MAGEA4: variants seen among roughly 807,000 people sequenced by gnomAD.
The protein encoded by MAGEA4 is melanoma-associated antigen 4.
A neutral mutation model predicts 13.7 loss-of-function variants in MAGEA4; 1 was observed. The ratio of observed to expected loss-of-function variants is 0.07; its 90% CI spans 0.03 to 0.35. The LOEUF is 0.35. Among genes scored for constraint, MAGEA4 ranks in the 10% least tolerant of loss-of-function variants. The pLI is 0.99. For synonymous variants in MAGEA4, 132 were observed against 101.1 expected, an observed-to-expected ratio of 1.31 and a Z score of -1.83; for missense variants, 312 against 245.1, an observed-to-expected ratio of 1.27 and a Z score of -1.82.
chrX:151,922,278 G>T (rs1463212749), intron 1 of MAGEA4, among the ~76,000 whole-genome samples: 1 of 111,558 alleles, frequency 9.0e-6, no homozygotes, highest in Non-Finnish European at 1.9e-5. Flanking sequence ...ATGGCCCTAT[G>T]TGCCAATTTC....
chrX:151,921,596 C>T (rs902225077), intron 1 of MAGEA4, among the ~76,000 whole-genome samples: 1 of 112,138 alleles, frequency 8.9e-6, no homozygotes, highest in Non-Finnish European at 1.9e-5. Flanking sequence ...GCGCTACACC[C>T]CCACCCCATC....
chrX:151,923,041 G>T (rs967140370), intron 1 of MAGEA4, among the ~76,000 whole-genome samples: 2 of 112,438 alleles, frequency 1.8e-5, no homozygotes, highest in African/African-American at 6.5e-5. Flanking sequence ...AAAAGAGTGG[G>T]ATCCAGGCCC....
At chrX:151,923,286 C>T (rs980864715) in intron 1 of MAGEA4, among the ~76,000 whole-genome samples, 167 bp from the exon 2 acceptor site, 3 of 112,360 alleles carry the variant, frequency 2.7e-5, no homozygotes, top group Non-Finnish European at 5.6e-5. Flanking sequence ...GATGCACAGG[C>T]TGTGCCAGCA....
At position 151,924,455 on chromosome X, in the gene MAGEA4, G is replaced by A. The variant is rs1274181760; in HGVS notation, c.791G>A (p.Gly264Asp). ...ENYLEYRQVP[G>D]SNPARYEFLW... ...TACCTGGAGTACCGGCAGGTACCCG[G>A]CAGTAATCCTGCGCGCTATGAGTTC... The change falls in exon 3 of 3, where the codon GGC becomes GAC. Residue 264 changes from glycine (G) to aspartate (D), a missense_variant. By Grantham distance (94) the Gly-to-Asp change is moderately conservative (BLOSUM62 -1). Coordinates refer to ENST00000276344, the MANE Select transcript of MAGEA4 (RefSeq NM_001011548.1). 4 of 1,210,258 alleles carry A rather than the reference G, an allele frequency of 3.3e-6. No individual in the cohort carries two copies. In the African/African-American group the frequency reaches 5.2e-5, roughly 16 times the overall value.
chrX:151,913,030 C>A, intron 1 of MAGEA4, 61 bp downstream of exon 1: 1 of 117,077 alleles, frequency 8.5e-6, no homozygotes, highest in South Asian at 3.1e-4. Context: ...CACAAAAAAT[C>A]CAACACCACC....
At chrX:151,912,509 A>T (rs775531189), upstream of MAGEA4, 1 of 364,857 alleles carries the variant, frequency 2.7e-6, no homozygotes, top group South Asian at 2.5e-5. Flanking sequence ...AGATCCACGG[A>T]GGGAAGCAGG....
Position 151,923,614 on chromosome X carries a change from A to G in MAGEA4, c.-51A>G, listed in dbSNP as rs144129975. The G allele has an allele frequency of 3.6e-3, 4,327 of 1,209,230 alleles. 86 individuals are homozygous for G. The African/African-American group carries it at 0.064, about 18-fold the overall frequency. On this transcript the variant is annotated 5_prime_UTR_variant, in exon 3 of 3. Transcript: ENST00000276344. ...TCTCTCCGTAGGCCTGTGGGTCCCC[A>G]TTGCCCAGCTTTTGCCTGCACTCTT...
rs775799958 is a variant in MAGEA4 at position 151,923,693 on chromosome X, G to A, written c.29G>A (p.Cys10Tyr). The change falls in exon 3 of 3, where the codon TGC becomes TAC. Residue 10 changes from cysteine to tyrosine, a missense_variant. By Grantham distance (194) the Cys-to-Tyr change is radical (BLOSUM62 -2). Transcript: ENST00000276344. ...TCTTCTGAGCAGAAGAGTCAGCACT[G>A]CAAGCCTGAGGAAGGCGTTGAGGCC... is the stretch of plus-strand genomic sequence containing the variant. The part of the protein sequence containing the change: MSSEQKSQH[C>Y]KPEEGVEAQE... The A allele has an allele frequency of 1.4e-5, 17 of 1,211,246 alleles. No homozygotes were observed. In the Admixed American group the frequency reaches 3.7e-4, roughly 26 times the overall value.
At chrX:151,921,856 C>G (rs771347076) in intron 1 of MAGEA4, among the ~76,000 whole-genome samples, 34 of 72,702 alleles carry the variant, frequency 4.7e-4, no homozygotes, top group African/African-American at 1.5e-3. Flanking sequence ...GGAGCCCACC[C>G]CACCCCGTCT....
intron 1 of MAGEA4, among the ~76,000 whole-genome samples, chrX:151,919,913 T>C (rs1265422479): frequency 9.1e-6 from 1 of 110,091 alleles, no homozygotes; most frequent in East Asian, 2.9e-4. Flanking sequence ...AGTGCAAGAC[T>C]GGTGAGGGCA....
chrX:151,923,488 C>T lies in MAGEA4; in HGVS notation c.-102C>T. The T allele has an allele frequency of 1.7e-6, 2 of 1,199,508 alleles. No individual in the cohort carries two copies. Among genetic ancestry groups the T allele is most frequent in the Non-Finnish European group, 2.2e-6 (2 of 890,629 alleles). On this transcript the variant is annotated 5_prime_UTR_variant, in exon 2 of 3. Transcript: ENST00000276344. ...GACAGGCCAACCGGAGGACAGGATT[C>T]CCTGGAGGCCACAGAGGAGCACCAA...
upstream of MAGEA4, chrX:151,912,719 C>G: frequency 5.4e-6 from 1 of 185,425 alleles, no homozygotes; most frequent in South Asian, 6.0e-5. Context: ...CCCTCATACC[C>G]CCATCCCCAA....
chrX:151,919,159 C>T (rs1933261644), intron 1 of MAGEA4: 13 of 539,559 alleles, frequency 2.4e-5, no homozygotes, highest in Non-Finnish European at 2.7e-5. Context: ...TCTGGGGCGC[C>T]CTCCACCCCA....
chrX:151,913,402 C>CCA, intron 1 of MAGEA4: 1 of 250,509 alleles, frequency 4.0e-6, no homozygotes, highest in Non-Finnish European at 5.4e-6. Flanking sequence ...CCACCGACCT[C>CCA]ACCCCTCCCA....
rs940764047 is a variant in MAGEA4 at position 151,923,337 on chromosome X, C to CCACAAGA, written c.-137-111_-137-105dup. 49 of 460,800 alleles carry CCACAAGA rather than the reference C, an allele frequency of 1.1e-4. No individual in the cohort carries two copies. In the African/African-American group the frequency reaches 1.1e-3, roughly 11 times the overall value. The allele number at this position is 460,800 out of a possible 1,213,427, so 38.0% of individuals were successfully genotyped here. A position where few individuals can be genotyped will look rare whatever the true frequency, so the allele number is the denominator to read the frequency against. Reference sequence around the variant, plus strand: ...GAATGCACACCAAGGGCCCCACCTGCCACAAGACACATAGGACTCCAAAGA... The same window carrying CCACAAGA: ...GAATGCACACCAAGGGCCCCACCTGCCACAAGACACAAGACACATAGGACTCCAAAGA... On this transcript the variant is annotated intron_variant, in intron 1 of 2. Coordinates refer to ENST00000276344, the MANE Select transcript of MAGEA4 (RefSeq NM_001011548.1).
In MAGEA4 at chrX:151,919,596, G is replaced by T. The variant is rs1484860160; in HGVS notation, c.-137-3857G>T. 4 of 729,509 alleles carry T rather than the reference G, an allele frequency of 5.5e-6. No individual in the cohort carries two copies. The East Asian group carries it at 4.7e-4, about 87-fold the overall frequency. The allele number at this position is 729,509 out of a possible 1,213,427, so 60.1% of individuals were successfully genotyped here. On this transcript the variant is annotated intron_variant, in intron 1 of 2. Transcript: ENST00000276344. ...CTGCTTCCGCTTTCAACCCAAGAAA[G>T]CCGCAGGTGCCGGAATGTGATGCCA...
chrX:151,919,631 G>A (rs1018106874), intron 1 of MAGEA4: 4 of 748,002 alleles, frequency 5.3e-6, no homozygotes, highest in Non-Finnish European at 6.3e-6. Context: ...ACTGACTTGC[G>A]CATTGGGGGT....
At position 151,923,956 on chromosome X, in the gene MAGEA4, A is replaced by G. The variant is rs373757058; in HGVS notation, c.292A>G (p.Thr98Ala). The change falls in exon 3 of 3, where the codon ACC (threonine) becomes GCC (alanine). Residue 98 changes from threonine to alanine, a missense_variant. Coordinates refer to ENST00000276344, the MANE Select transcript of MAGEA4 (RefSeq NM_001011548.1). Reference protein sequence around the residue: ...SSSQEEEGPSTSPDAESLFRE... With the variant: ...SSSQEEEGPSASPDAESLFRE... ...CAGCCAAGAAGAGGAGGGGCCAAGC[A>G]CCTCGCCTGACGCAGAGTCCTTGTT... The G allele has an allele frequency of 2.5e-6, 3 of 1,210,988 alleles. No homozygotes were observed. The highest frequency in any genetic ancestry group is 2.2e-6 in the Non-Finnish European group (2 of 895,198).
At chrX:151,919,202 C>T (rs1320239774) in intron 1 of MAGEA4, among the ~76,000 whole-genome samples, 1 of 105,767 alleles carries the variant, frequency 9.5e-6, no homozygotes, top group Non-Finnish European at 1.9e-5. Context: ...CTCTGGAGTC[C>T]GAGCTTGGGG....
Sources: allele counts gnomAD v4.1 joint callset (sites outside exome capture counted in the v4.1 genomes callset), GRCh38; gene constraint gnomAD v4.1.1; transcripts MANE v1.5; gene names NCBI Gene and HGNC (gene_info 2026-07-23, HGNC 2026-07-21).